Variants in ALK observed in about 807,000 individuals in gnomAD.
ALK encodes the protein ALK tyrosine kinase receptor.
Under a neutral mutation model 163.1 loss-of-function variants are expected in ALK, and 74 were observed. The ratio of observed to expected loss-of-function variants is 0.45; its 90% confidence interval spans 0.38 to 0.55. The LOEUF is 0.55. Among genes scored for constraint, ALK ranks in the 20% least tolerant of loss-of-function variants. ALK has a pLI of 0.00. For missense variants in ALK, 2,063 were observed against 2,105.3 expected (o/e 0.98, Z 0.39); for synonymous variants, 960 against 843.2 (o/e 1.14, Z -2.40).
rs758537157 is a variant in ALK at position 29,694,983 on chromosome 2, C to T, written c.819G>A (p.Glu273=). The T allele has an allele frequency of 6.2e-7, 1 of 1,614,104 alleles. No individual in the cohort carries two copies. Among genetic ancestry groups the T allele is most frequent in the Non-Finnish European group, 8.5e-7 (1 of 1,179,980 alleles). The part of the protein sequence containing the change: ...GLECSFDFPC[E]LEYSPPLHDL... ...CATGCAGTGGAGGGGAATACTCCAG[C>T]TCACAGGGGAAGTCAAAGCTGCACT... The change falls in exon 3 of 29, where the codon GAG becomes GAA. Residue 273 remains glutamate (E), a synonymous_variant. Transcript: ENST00000389048.
intron 5 of ALK, among the ~76,000 whole-genome samples, chr2:29,344,589 C>T (rs1392006200): frequency 6.6e-6 from 1 of 152,246 alleles, no homozygotes; most frequent in African/African-American, 2.4e-5. Flanking sequence ...GGAGCCCACA[C>T]ACCTCTTGAT....
At chr2:29,208,464 G>A (rs550157627) in intron 25 of ALK, among the ~76,000 whole-genome samples, 80 of 152,274 alleles carry the variant, frequency 5.3e-4, no homozygotes, top group African/African-American at 1.9e-3. Flanking sequence ...GGCAGTCCCA[G>A]GGTATTCTGA....
chr2:29,210,116 C>T lies in ALK; in HGVS notation c.3744-238G>A, dbSNP rs6748797. Among the ~76,000 whole-genome samples, 60,992 of 152,008 alleles carry T rather than the reference C, an allele frequency of 0.4. 14,812 individuals are homozygous for T. The highest frequency in any genetic ancestry group is 0.8 in the East Asian group (4,118 of 5,166). ...TGATTAAAAATGTTTAATGGGGCAACCATAATGAAATGCATCATACTAGGA... is the reference window on the plus strand; with the variant it reads ...TGATTAAAAATGTTTAATGGGGCAATCATAATGAAATGCATCATACTAGGA... On this transcript the variant is annotated intron_variant, in intron 24 of 28. Transcript: ENST00000389048.
At chr2:29,832,721 C>G (rs927043065) in intron 1 of ALK, among the ~76,000 whole-genome samples, 1 of 152,240 alleles carries the variant, frequency 6.6e-6, no homozygotes, top group East Asian at 1.9e-4. Context: ...TCCATCCAGC[C>G]TACAAATACT....
chr2:29,778,363 G>A (rs1681236907), intron 1 of ALK, among the ~76,000 whole-genome samples: 1 of 152,212 alleles, frequency 6.6e-6, no homozygotes, highest in Non-Finnish European at 1.5e-5. Flanking sequence ...ATGCCTATGT[G>A]GTTGGACCAG....
intron 9 of ALK, among the ~76,000 whole-genome samples, chr2:29,279,914 G>T (rs1176076530): frequency 6.6e-6 from 1 of 152,236 alleles, no homozygotes; most frequent in Non-Finnish European, 1.5e-5. Context: ...ACCACCATGG[G>T]ACTGAGGGAA....
chr2:29,761,924 A>G, intron 1 of ALK, among the ~76,000 whole-genome samples: 1 of 152,354 alleles, frequency 6.6e-6, no homozygotes, highest in Non-Finnish European at 1.5e-5. Flanking sequence ...AAAAATCAGA[A>G]AGCATTCACC....
intron 4 of ALK, among the ~76,000 whole-genome samples, chr2:29,517,199 G>T (rs1289487304): frequency 6.6e-6 from 1 of 152,140 alleles, no homozygotes; most frequent in Non-Finnish European, 1.5e-5. Context: ...ATACAGAGAG[G>T]TTTAGGGGCA....
intron 1 of ALK, among the ~76,000 whole-genome samples, chr2:29,859,618 T>C (rs772643923): frequency 6.6e-6 from 1 of 151,678 alleles, no homozygotes. Flanking sequence ...GGGGGTCGCT[T>C]GTGAAAAAAA....
rs139115963 is a variant in ALK at position 29,850,688 on chromosome 2, C to T, written c.667+69305G>A. ...CCAGGCTCGGGGGTGTTTCCTCTCC[C>T]TAGACTTGGTTGTACCATCTGGTCT... On this transcript the variant is annotated intron_variant, in intron 1 of 28. Transcript: ENST00000389048. Among the ~76,000 whole-genome samples the T allele has an allele frequency of 1.3e-3, 204 of 152,302 alleles. 2 individuals carry two copies. The highest frequency in any genetic ancestry group is 0.01 in the Admixed American group (157 of 15,302).
At chr2:29,472,992 G>T (rs532924524) in intron 4 of ALK, among the ~76,000 whole-genome samples, 1 of 152,306 alleles carries the variant, frequency 6.6e-6, no homozygotes, top group South Asian at 2.1e-4. Flanking sequence ...GTGTGTATTT[G>T]TACTGTGTGA....
intron 24 of ALK, among the ~76,000 whole-genome samples, chr2:29,213,432 T>A (rs1168299319): frequency 6.6e-6 from 1 of 152,210 alleles, no homozygotes; most frequent in Non-Finnish European, 1.5e-5. Flanking sequence ...CAAAGATGAC[T>A]AAAACAGCAT....
At chr2:29,318,176 TGGCCCTCTTGTTC>T (rs1666889258) in intron 8 of ALK, 115 bp downstream of exon 8, 7 of 741,820 alleles carry the variant, frequency 9.4e-6, no homozygotes, top group Admixed American at 4.0e-5. Context: ...ATGGCAGAGG[TGGCCCTCTTGTTC>T]TCTCCCCAGG....
intron 1 of ALK, among the ~76,000 whole-genome samples, chr2:29,738,459 A>T (rs956164487): frequency 6.6e-6 from 1 of 152,068 alleles, no homozygotes; most frequent in Non-Finnish European, 1.5e-5. Flanking sequence ...TCTGTAACTT[A>T]TGTGGCCATC....
chr2:29,745,620 G>A (rs907742909), intron 1 of ALK, among the ~76,000 whole-genome samples: 7 of 152,052 alleles, frequency 4.6e-5, no homozygotes, highest in Admixed American at 2.0e-4. Flanking sequence ...TTCATCCTTT[G>A]GACCCAGCTT....
chr2:29,225,919 G>T (rs1218382293), intron 18 of ALK, among the ~76,000 whole-genome samples: 2 of 152,124 alleles, frequency 1.3e-5, no homozygotes, highest in East Asian at 1.9e-4. Context: ...AACAGGGTGC[G>T]CTGTAAGTAA....
chr2:29,629,577 A>G (rs1573511732), intron 3 of ALK, among the ~76,000 whole-genome samples: 1 of 152,242 alleles, frequency 6.6e-6, no homozygotes, highest in Admixed American at 6.5e-5. Flanking sequence ...TGTTACACCT[A>G]GCACAGATTC....
chr2:29,542,636 C>A (rs1024784317), intron 3 of ALK, among the ~76,000 whole-genome samples: 28 of 152,162 alleles, frequency 1.8e-4, no homozygotes, highest in African/African-American at 6.5e-4. Flanking sequence ...AAGTCTAACG[C>A]TGGTTTTATT....
At chr2:29,195,814 A>G (rs769483492) in intron 28 of ALK, among the ~76,000 whole-genome samples, 3 of 152,224 alleles carry the variant, frequency 2.0e-5, no homozygotes, top group Admixed American at 1.3e-4. Context: ...AACGAGAACC[A>G]AGAGAGAGGG....
Sources: gnomAD v4.1 joint callset for allele counts (sites outside exome capture counted in the v4.1 genomes callset) on GRCh38, gnomAD v4.1.1 for gene constraint, MANE v1.5 for transcripts, NCBI Gene and HGNC (gene_info 2026-07-23, HGNC 2026-07-21) for gene names.